MAPK8IP3: variants seen among roughly 807,000 people sequenced by gnomAD.
MAPK8IP3 encodes mitogen-activated protein kinase 8 interacting protein 3.
Under a neutral mutation model 157.8 loss-of-function variants are expected in MAPK8IP3, and 49 were observed. The ratio of observed to expected loss-of-function variants is 0.31; its 90% CI spans 0.25 to 0.39. The LOEUF is 0.39. Among genes scored for constraint, MAPK8IP3 ranks in the 10% least tolerant of loss-of-function variants. MAPK8IP3 has a pLI of 1.00. For synonymous variants in MAPK8IP3, 897 were observed against 777.7 expected, an observed-to-expected ratio of 1.15 and a Z score of -2.55; for missense variants, 1,478 against 1,889.4, an observed-to-expected ratio of 0.78 and a Z score of 4.04.
chr16:1,761,965 G>A (rs1394486771), intron 13 of MAPK8IP3, among the ~76,000 whole-genome samples: 1 of 152,144 alleles, frequency 6.6e-6, no homozygotes, highest in Non-Finnish European at 1.5e-5. Flanking sequence ...GCTGGGGTGG[G>A]CACGGGCAGG....
Position 1,743,776 on chromosome 16 carries a change from G to A in MAPK8IP3, c.747+300G>A. 7.7e-7 allele frequency: 1 copy of A among 1,290,952 alleles called. No homozygotes were observed. The allele number at this position is 1,290,952 out of a possible 1,614,324, so 80.0% of individuals were successfully genotyped here. A position where few individuals can be genotyped will look rare whatever the true frequency, so the allele number is the denominator to read the frequency against. On this transcript the variant is annotated intron_variant, in intron 5 of 31. Coordinates refer to ENST00000610761, the MANE Select transcript of MAPK8IP3 (RefSeq NM_001318852.2). The surrounding 1 kb of genome is among the most constrained non-coding windows in gnomAD (Gnocchi z 5.6). The stretch of plus-strand genomic sequence containing the variant: ...AGCCAGGGGTGTACAGTGCCTGTCA[G>A]GGTTGAGCTTAGTGATCCTCTCTCA...
At position 1,768,951 on chromosome 16, in the gene MAPK8IP3, T is replaced by A; in HGVS notation, c.*127T>A. 8.9e-7 allele frequency: 1 copy of A among 1,117,586 alleles called. No homozygotes were observed. The highest frequency in any genetic ancestry group is 1.3e-6 in the Non-Finnish European group (1 of 785,022). 69.2% of individuals were successfully genotyped at this position (1,117,586 alleles called of 1,614,324 possible). On this transcript the variant is annotated 3_prime_UTR_variant, in exon 32 of 32. Coordinates refer to ENST00000610761, the MANE Select transcript of MAPK8IP3 (RefSeq NM_001318852.2). ...AACCTCTCAACCTGCAGCTTTCACCTGAGTCTGGCCCCTCCAGCGGGCAGG... is the reference window on the plus strand; with the variant it reads ...AACCTCTCAACCTGCAGCTTTCACCAGAGTCTGGCCCCTCCAGCGGGCAGG...
intron 2 of MAPK8IP3, among the ~76,000 whole-genome samples, chr16:1,725,153 TTA>T: frequency 7.3e-6 from 1 of 136,208 alleles, no homozygotes; most frequent in African/African-American, 3.0e-5. Context: ...AAAGGGTTTA[TTA>T]TTATTATTAT....
intron 4 of MAPK8IP3, among the ~76,000 whole-genome samples, chr16:1,733,290 G>T (rs1449650672): frequency 6.6e-6 from 1 of 152,158 alleles, no homozygotes; most frequent in African/African-American, 2.4e-5. Flanking sequence ...GATCCCAGAG[G>T]TGTGACGTGT....
chr16:1,715,125 A>G (rs575857569), intron 1 of MAPK8IP3, among the ~76,000 whole-genome samples: 1 of 152,080 alleles, frequency 6.6e-6, no homozygotes, highest in Non-Finnish European at 1.5e-5. Context: ...ATCAGTTCGT[A>G]TTCAACCAGT....
At chr16:1,747,712 C>T (rs1003903591) in intron 6 of MAPK8IP3, among the ~76,000 whole-genome samples, 3 of 151,892 alleles carry the variant, frequency 2.0e-5, no homozygotes, top group Admixed American at 2.0e-4. Flanking sequence ...CACAGCCCCA[C>T]TAACCAGTAA....
At chr16:1,738,455 T>TCC (rs1491274099) in intron 4 of MAPK8IP3, among the ~76,000 whole-genome samples, 1 of 99,412 alleles carries the variant, frequency 1.0e-5, no homozygotes. Context: ...CATGTGAGCA[T>TCC]GTGTGACCGT....
intron 4 of MAPK8IP3, among the ~76,000 whole-genome samples, chr16:1,737,193 TGAGC>T (rs1567166463): frequency 1.2e-4 from 11 of 91,456 alleles, no homozygotes; most frequent in South Asian, 6.7e-4. Flanking sequence ...ACCGTCCGTG[TGAGC>T]GTGTGACCAT....
At chr16:1,729,059 C>G in intron 2 of MAPK8IP3, 79 bp from the exon 3 acceptor site, 1 of 1,368,270 alleles carries the variant, frequency 7.3e-7, no homozygotes, top group East Asian at 2.3e-5. Context: ...GGAACCCCCT[C>G]CCTCTGTGGT....
chr16:1,768,579 A>G lies in MAPK8IP3; in HGVS notation c.3845A>G (p.Asn1282Ser). ...GAGGTCGAGGGCCAGAAGCTGCGGA[A>G]CGTGCTGGTGCTGAGCGGCGGGGAG... ...ASEVEGQKLR[N>S]VLVLSGGEGY... The change falls in exon 31 of 32, where the codon AAC (asparagine) becomes AGC (serine). Residue 1282 changes from asparagine (N) to serine (S), a missense_variant. Transcript: ENST00000610761. 1 of 1,590,622 alleles carries G rather than the reference A, an allele frequency of 6.3e-7. No individual in the cohort carries two copies. Among genetic ancestry groups the G allele is most frequent in the South Asian group, 1.1e-5 (1 of 88,648 alleles).
Position 1,766,604 on chromosome 16 carries a change from C to T in MAPK8IP3, c.2895C>T (p.Gly965=). Residue 965 remains glycine (G), a synonymous_variant, in exon 23 of 32, where the codon GGC becomes GGT. Coordinates refer to ENST00000610761, the MANE Select transcript of MAPK8IP3 (RefSeq NM_001318852.2). Reference sequence around the variant, plus strand: ...CCAGCGGGGACCCCACGGGAGCAGGCAGCAGTGCTGCACCCACCATGTGGC... The same window carrying T: ...CCAGCGGGGACCCCACGGGAGCAGGTAGCAGTGCTGCACCCACCATGTGGC... ...PEPSGDPTGA[G]SSAAPTMWLG... 1 of 1,612,442 alleles carries T rather than the reference C, an allele frequency of 6.2e-7. No individual in the cohort carries two copies.
At chr16:1,764,040 C>G (rs2042110951) in intron 17 of MAPK8IP3, 75 bp from the exon 18 acceptor site, 1 of 1,415,500 alleles carries the variant, frequency 7.1e-7, no homozygotes, top group African/African-American at 1.4e-5. Context: ...GCTGGCAGCC[C>G]TACCTGTCTC....
intron 4 of MAPK8IP3, among the ~76,000 whole-genome samples, chr16:1,740,226 G>C (rs1320840837): frequency 7.0e-6 from 1 of 143,030 alleles, no homozygotes; most frequent in Non-Finnish European, 1.5e-5. Flanking sequence ...CCGTGTGACC[G>C]TCCGTGTGAG....
At chr16:1,757,226 G>T (rs766456488) in intron 8 of MAPK8IP3, among the ~76,000 whole-genome samples, 62 of 151,946 alleles carry the variant, frequency 4.1e-4, no homozygotes, top group Admixed American at 3.2e-3. Flanking sequence ...TGCCTCAGCC[G>T]CCCGAGTAGC....
At chr16:1,727,072 TGTGTGTGGCGTCTGAGTTGTGTGCC>T (rs1372153781) in intron 2 of MAPK8IP3, among the ~76,000 whole-genome samples, 2 of 151,282 alleles carry the variant, frequency 1.3e-5, no homozygotes, top group East Asian at 3.9e-4. Flanking sequence ...TGTTGTGTGC[TGTGTGTGGCGTCTGAGTTGTGTGCC>T]GTGTGGAGCG....
chr16:1,758,863 T>C (rs915271248), intron 9 of MAPK8IP3, 115 bp from the exon 10 acceptor site: 1 of 1,146,334 alleles, frequency 8.7e-7, no homozygotes, highest in Admixed American at 1.8e-5. Context: ...GACCCAGCTC[T>C]GAATTCCTCC....
intron 4 of MAPK8IP3, among the ~76,000 whole-genome samples, chr16:1,737,759 T>C (rs1253687666): frequency 3.0e-5 from 1 of 33,676 alleles, no homozygotes; most frequent in African/African-American, 2.4e-4. Flanking sequence ...CATCCGTGTG[T>C]GTGACCATCC....
intron 4 of MAPK8IP3, among the ~76,000 whole-genome samples, chr16:1,733,348 C>T (rs1250914905): frequency 6.6e-6 from 1 of 152,108 alleles, no homozygotes; most frequent in Non-Finnish European, 1.5e-5. Flanking sequence ...TGCAGTGATC[C>T]CCACCCCAGG....
intron 8 of MAPK8IP3, among the ~76,000 whole-genome samples, chr16:1,749,207 G>A (rs575905680): frequency 1.1e-3 from 162 of 152,324 alleles, no homozygotes; most frequent in African/African-American, 3.6e-3. Flanking sequence ...TCGAGTGCAC[G>A]GTGCGGTGGG....
Sources: allele counts gnomAD v4.1 joint callset (sites outside exome capture counted in the v4.1 genomes callset), GRCh38; gene constraint gnomAD v4.1.1; non-coding constraint Gnocchi (gnomAD v3.1); transcripts MANE v1.5; gene names NCBI Gene and HGNC (gene_info 2026-07-23, HGNC 2026-07-21).